Variants in PTGES3L observed in about 807,000 individuals in gnomAD.
The protein encoded by PTGES3L is putative protein PTGES3L.
In PTGES3L, 17 loss-of-function variants were observed where a neutral mutation model predicts 25.0. That is an observed-to-expected ratio of 0.68 (90% CI 0.47 to 1.02). PTGES3L has a LOEUF of 1.02. Among genes scored for constraint, PTGES3L ranks in the 50% least tolerant of loss-of-function variants. The pLI, the probability that PTGES3L is intolerant of heterozygous loss-of-function variation, is 0.00. For missense variants in PTGES3L, 202 were observed against 197.5 expected (o/e 1.02, Z -0.14); for synonymous variants, 59 against 65.7 (o/e 0.90, Z 0.50).
rs762967587 is a variant in PTGES3L at position 42,970,340 on chromosome 17, A to T, written c.381T>A (p.Leu127=). Residue 127 remains leucine, a splice_region_variant and synonymous_variant, in exon 6 of 7, where the codon CTT becomes CTA. Transcript: ENST00000591916. The stretch of plus-strand genomic sequence containing the variant: ...GTCTCTTGGTGCTGACCTTCTTCAA[A>T]AGCTAGTGGGAAGAAAAAATAATCA... ...ELAHVEHYAE[L]LKKVSTKRPP... The T allele has an allele frequency of 6.2e-7, 1 of 1,613,824 alleles. No homozygotes were observed. Among genetic ancestry groups the T allele is most frequent in the Non-Finnish European group, 8.5e-7 (1 of 1,179,802 alleles).
At chr17:42,978,186 C>T (rs935920091) in intron 4 of PTGES3L, among the ~76,000 whole-genome samples, 5 of 151,534 alleles carry the variant, frequency 3.3e-5, no homozygotes, top group Admixed American at 2.0e-4. Flanking sequence ...GCGGGTAGAC[C>T]ACCTGAGGTC....
chr17:42,974,102 T>C (rs1254071112), intron 4 of PTGES3L, among the ~76,000 whole-genome samples: 2 of 151,556 alleles, frequency 1.3e-5, no homozygotes, highest in Admixed American at 1.3e-4. Context: ...TCACACAACC[T>C]GTAATCCCAG....
chr17:42,969,000 G>A lies in PTGES3L; in HGVS notation c.*148C>T, dbSNP rs538547049. 1.0e-5 allele frequency: 6 copies of A among 586,762 alleles called. No individual in the cohort carries two copies. Among genetic ancestry groups the A allele is most frequent in the African/African-American group, 5.6e-5 (3 of 53,576 alleles). The allele number at this position is 586,762 out of a possible 1,614,324, so 36.3% of individuals were successfully genotyped here. On this transcript the variant is annotated 3_prime_UTR_variant, in exon 7 of 7. Coordinates refer to ENST00000591916, the MANE Select transcript of PTGES3L (RefSeq NM_001261430.2). The stretch of plus-strand genomic sequence containing the variant: ...TAGGAGGAAGACAAGCTTGAAGGAC[G>A]ACCCTTAATAAAGAGCTTCTAGGAA...
In PTGES3L at chr17:42,968,984, G is replaced by A. The variant is rs1401184707; in HGVS notation, c.*164C>T. 15 of 575,112 alleles carry A rather than the reference G, an allele frequency of 2.6e-5. No individual in the cohort carries two copies. Among genetic ancestry groups the A allele is most frequent in the Non-Finnish European group, 4.0e-5 (13 of 321,512 alleles). 35.6% of individuals were successfully genotyped at this position (575,112 alleles called of 1,614,324 possible). On this transcript the variant is annotated 3_prime_UTR_variant, in exon 7 of 7. Transcript: ENST00000591916. ...GCCATAGTCAAGTGCCTAGGAGGAA[G>A]ACAAGCTTGAAGGACGACCCTTAAT... is the stretch of plus-strand genomic sequence containing the variant.
intron 5 of PTGES3L, among the ~76,000 whole-genome samples, chr17:42,971,284 CCACACA>C (rs56818030): frequency 8.0e-5 from 12 of 149,604 alleles, no homozygotes; most frequent in African/African-American, 2.9e-4. Flanking sequence ...CGACAGAAAA[CCACACA>C]CACACACACA....
At chr17:42,975,378 G>A (rs935195774) in intron 4 of PTGES3L, among the ~76,000 whole-genome samples, 1 of 152,168 alleles carries the variant, frequency 6.6e-6, no homozygotes, top group East Asian at 1.9e-4. Flanking sequence ...TTTTCAGGAA[G>A]AAGGCATACC....
intron 1 of PTGES3L, 177 bp downstream of exon 1, chr17:42,979,869 G>C: frequency 6.9e-7 from 1 of 1,443,760 alleles, no homozygotes; most frequent in Non-Finnish European, 9.1e-7. Flanking sequence ...GCAAGACTAG[G>C]AAACTAGGAG....
intron 4 of PTGES3L, among the ~76,000 whole-genome samples, chr17:42,972,878 A>T (rs905324081): frequency 6.8e-6 from 1 of 146,802 alleles, no homozygotes; most frequent in Non-Finnish European, 1.5e-5. Context: ...GGAAGTGAGG[A>T]GCGCCTCTTC....
In PTGES3L at chr17:42,968,385, G is replaced by C. The variant is rs964192173; in HGVS notation, c.*763C>G. The stretch of plus-strand genomic sequence containing the variant: ...ATCTCTGCTAAAAATACAAAAATTA[G>C]CTGGGCCTGGTGGTGCACATCTGTA... On this transcript the variant is annotated 3_prime_UTR_variant, in exon 7 of 7. Transcript: ENST00000591916. 6.6e-6 allele frequency: 1 copy of C among 151,968 alleles called. No homozygotes were observed. Among genetic ancestry groups the C allele is most frequent in the Non-Finnish European group, 1.5e-5 (1 of 68,014 alleles). The allele number at this position is 151,968 out of a possible 1,614,324, so 9.4% of individuals were successfully genotyped here. A position where few individuals can be genotyped will look rare whatever the true frequency, so the allele number is the denominator to read the frequency against.
At position 42,979,671 on chromosome 17, in the gene PTGES3L, G is replaced by C; in HGVS notation, c.9-8C>G. On this transcript the variant is annotated splice_region_variant and splice_polypyrimidine_tract_variant and intron_variant, in intron 1 of 6. Coordinates refer to ENST00000591916, the MANE Select transcript of PTGES3L (RefSeq NM_001261430.2). ...AAGGTCCGGGCGTGCTGCCTGAAGA[G>C]AAGTTGAGGTGTGGCTTCATAGGGG... 1 of 1,613,170 alleles carries C rather than the reference G, an allele frequency of 6.2e-7. No homozygotes were observed. The highest frequency in any genetic ancestry group is 1.3e-5 in the African/African-American group (1 of 75,050).
chr17:42,972,246 G>A (rs1162782671), intron 4 of PTGES3L: 2 of 152,200 alleles, frequency 1.3e-5, no homozygotes, highest in African/African-American at 2.5e-5. Context: ...TGACTGAGGA[G>A]ACAACACATC....
rs565287898 is a variant in PTGES3L at position 42,979,113 on chromosome 17, C to G, written c.288+57G>C. 29 of 1,596,240 alleles carry G rather than the reference C, an allele frequency of 1.8e-5. No individual in the cohort carries two copies. In the African/African-American group the frequency reaches 3.5e-4, roughly 19 times the overall value. The stretch of plus-strand genomic sequence containing the variant: ...TGGCTGGAAAGGAGGCAAGGACAAT[C>G]CCAGCTGTAACCTGGGTACATGGAG... On this transcript the variant is annotated intron_variant, in intron 4 of 6. Transcript: ENST00000591916.
At position 42,979,252 on chromosome 17, in the gene PTGES3L, C is replaced by G; in HGVS notation, c.206G>C (p.Arg69Pro). ...AAAACAAGTAATAGAGCGGGAAGAGCGCTTATCCTGGGAGTCCTGCCAGAT... is the reference window on the plus strand; with the variant it reads ...AAAACAAGTAATAGAGCGGGAAGAGGGCTTATCCTGGGAGTCCTGCCAGAT... ...KVNSKDSQDKRSSRSITCFVR... is the reference protein window; with the variant it reads ...KVNSKDSQDKPSSRSITCFVR... The change falls in exon 4 of 7, where the codon CGC (arginine) becomes CCC (proline). Residue 69 changes from arginine (R) to proline (P), a missense_variant. Coordinates refer to ENST00000591916, the MANE Select transcript of PTGES3L (RefSeq NM_001261430.2). 1.2e-6 allele frequency: 2 copies of G among 1,614,080 alleles called. No individual in the cohort carries two copies. Among genetic ancestry groups the G allele is most frequent in the Non-Finnish European group, 1.7e-6 (2 of 1,180,016 alleles).
chr17:42,971,315 T>G (rs1567722534), intron 5 of PTGES3L, among the ~76,000 whole-genome samples: 1 of 144,410 alleles, frequency 6.9e-6, no homozygotes, highest in African/African-American at 2.7e-5. Flanking sequence ...CAGAAAACAG[T>G]AGAACAAGAA....
rs2050023970 is a variant in PTGES3L, at chr17:42,979,190, G to A, written c.268C>T (p.Leu90Phe). The part of the protein sequence containing the change: ...KWKEKVAWPR[L>F]TKEDIKPVWL... ...CCCACCTTGATATCCTCCTTGGTAAGCCGCGGCCAGGCCACCTTTTCCTTC... is the reference window on the plus strand; with the variant it reads ...CCCACCTTGATATCCTCCTTGGTAAACCGCGGCCAGGCCACCTTTTCCTTC... The change falls in exon 4 of 7, where the codon CTT (leucine) becomes TTT (phenylalanine). Residue 90 changes from leucine (L) to phenylalanine (F), a missense_variant. Physicochemically the swap from Leu to Phe is conservative, Grantham distance 22 (BLOSUM62 0). Transcript: ENST00000591916. 1.9e-6 allele frequency: 3 copies of A among 1,614,140 alleles called. No homozygotes were observed. In the East Asian group the frequency reaches 6.7e-5, roughly 36 times the overall value.
chr17:42,974,024 A>AT (rs1485437444), intron 4 of PTGES3L, among the ~76,000 whole-genome samples: 1 of 151,498 alleles, frequency 6.6e-6, no homozygotes, highest in African/African-American at 2.4e-5. Flanking sequence ...AAAAATAAAA[A>AT]TAAAAAAAAA....
intron 4 of PTGES3L, among the ~76,000 whole-genome samples, chr17:42,976,793 G>C (rs568862707): frequency 1.4e-4 from 21 of 152,312 alleles, no homozygotes; most frequent in Middle Eastern, 6.8e-3. Context: ...GGCCTTAAGT[G>C]GGGGAGCATC....
intron 5 of PTGES3L, 133 bp from the exon 6 acceptor site, chr17:42,970,475 G>A (rs1597734361): frequency 2.2e-6 from 2 of 900,718 alleles, no homozygotes; most frequent in East Asian, 5.2e-5. Context: ...AACATCACTG[G>A]AATTAATTTG....
intron 1 of PTGES3L, 166 bp from the exon 2 acceptor site, chr17:42,979,829 G>T: frequency 7.0e-7 from 1 of 1,423,922 alleles, no homozygotes. Context: ...GGTGGGTGTG[G>T]TGAATGTGAA....
Sources: gnomAD v4.1 joint callset for allele counts (sites outside exome capture counted in the v4.1 genomes callset) on GRCh38, gnomAD v4.1.1 for gene constraint, MANE v1.5 for transcripts, NCBI Gene and HGNC (gene_info 2026-07-23, HGNC 2026-07-21) for gene names.